Variants in M1AP observed in about 807,000 individuals in gnomAD.
M1AP encodes the protein meiosis 1 associated protein, also known as meiosis 1 arrest protein.
A neutral mutation model predicts 51.2 loss-of-function variants in M1AP; 39 were observed. The ratio of observed to expected loss-of-function variants is 0.76; its 90% CI spans 0.59 to 1.00. The LOEUF (loss-of-function observed/expected upper bound fraction) is 1.00, where lower values mean the gene tolerates loss of function less well. M1AP is among the 50% of genes least tolerant of loss of function. The pLI, the probability that M1AP is intolerant of heterozygous loss-of-function variation, is 0.00. For missense variants in M1AP, 545 were observed against 641.2 expected (o/e 0.85, Z 1.62); for synonymous variants, 251 against 249.2 (o/e 1.01, Z -0.07).
chr2:74,614,820 C>T, intron 3 of M1AP, 144 bp downstream of exon 3: 2 of 666,078 alleles, frequency 3.0e-6, no homozygotes, highest in East Asian at 5.4e-5. Context: ...AACATGTCCT[C>T]TGCCTGTAGG....
chr2:74,622,473 G>C (rs915373492), intron 2 of M1AP, among the ~76,000 whole-genome samples: 1 of 151,550 alleles, frequency 6.6e-6, no homozygotes, highest in African/African-American at 2.4e-5. Flanking sequence ...CCTGACAGGT[G>C]ATCTGCCCGC....
chr2:74,602,581 A>G (rs142147789), intron 4 of M1AP, among the ~76,000 whole-genome samples: 6 of 152,352 alleles, frequency 3.9e-5, no homozygotes, highest in African/African-American at 1.4e-4. Flanking sequence ...AGACTTGGGC[A>G]ACCTAATTTT....
chr2:74,621,181 C>G (rs1682003860), intron 2 of M1AP, among the ~76,000 whole-genome samples: 1 of 151,692 alleles, frequency 6.6e-6, no homozygotes, highest in Non-Finnish European at 1.5e-5. Flanking sequence ...ACTCGGGAGG[C>G]TGAGGCAGGA....
chr2:74,613,408 G>C (rs1681484080), intron 3 of M1AP, among the ~76,000 whole-genome samples: 1 of 152,344 alleles, frequency 6.6e-6, no homozygotes, highest in Middle Eastern at 3.4e-3. Flanking sequence ...GTAAGGGATA[G>C]AGGGAGGGGA....
chr2:74,572,864 TA>T (rs1678831116), intron 7 of M1AP, among the ~76,000 whole-genome samples: 1 of 152,178 alleles, frequency 6.6e-6, no homozygotes, highest in African/African-American at 2.4e-5. Context: ...GACAGAAGAC[TA>T]ACAAAGAAAA....
intron 4 of M1AP, among the ~76,000 whole-genome samples, chr2:74,588,101 T>G (rs946292416): frequency 6.6e-6 from 1 of 152,202 alleles, no homozygotes; most frequent in Non-Finnish European, 1.5e-5. Flanking sequence ...CCTCCACATC[T>G]TCCCCCGTCT....
intron 2 of M1AP, among the ~76,000 whole-genome samples, chr2:74,627,978 G>A (rs115763428): frequency 6.6e-6 from 1 of 152,014 alleles, no homozygotes; most frequent in African/African-American, 2.4e-5. Flanking sequence ...TATGTTCTAT[G>A]GATCAAAATG....
chr2:74,576,705 G>C, intron 5 of M1AP, 87 bp from the exon 6 acceptor site: 1 of 1,455,172 alleles, frequency 6.9e-7, no homozygotes. Context: ...ATGCCATTAA[G>C]AGACAACATC....
At chr2:74,601,937 A>G (rs1680701053) in intron 4 of M1AP, among the ~76,000 whole-genome samples, 1 of 152,208 alleles carries the variant, frequency 6.6e-6, no homozygotes, top group Admixed American at 6.5e-5. Flanking sequence ...GACTGATTGA[A>G]GGACACATTC....
intron 4 of M1AP, among the ~76,000 whole-genome samples, chr2:74,587,918 T>C (rs1272466059): frequency 6.6e-6 from 1 of 152,058 alleles, no homozygotes; most frequent in African/African-American, 2.4e-5. Context: ...AGGTAATACC[T>C]GAAGTAGACC....
At chr2:74,645,024 G>C (rs1345438600) in intron 1 of M1AP, among the ~76,000 whole-genome samples, 1 of 152,116 alleles carries the variant, frequency 6.6e-6, no homozygotes, top group African/African-American at 2.4e-5. Context: ...TTCGCTCTTT[G>C]CAATAAATCT....
At chr2:74,591,816 C>CA (rs1421904315) in intron 4 of M1AP, among the ~76,000 whole-genome samples, 1 of 152,078 alleles carries the variant, frequency 6.6e-6, no homozygotes, top group South Asian at 2.1e-4. Context: ...GACAGAGTCT[C>CA]ACTCTGTCCT....
intron 7 of M1AP, among the ~76,000 whole-genome samples, chr2:74,574,677 C>T (rs149210071): frequency 6.6e-6 from 1 of 152,352 alleles, no homozygotes; most frequent in Non-Finnish European, 1.5e-5. Flanking sequence ...ATTTGGCCTA[C>T]AAAGCTTTGC....
At chr2:74,588,317 A>G (rs1480595367) in intron 4 of M1AP, among the ~76,000 whole-genome samples, 1 of 152,232 alleles carries the variant, frequency 6.6e-6, no homozygotes, top group Non-Finnish European at 1.5e-5. Context: ...AAAGAGCTCT[A>G]TGACCCCAAA....
chr2:74,592,941 G>A (rs1464644551), intron 4 of M1AP, among the ~76,000 whole-genome samples: 2 of 152,072 alleles, frequency 1.3e-5, no homozygotes, highest in African/African-American at 2.4e-5. Flanking sequence ...CCTATTTCTG[G>A]ACCTTGAATA....
chr2:74,578,630 G>A (rs1679229191), intron 5 of M1AP, among the ~76,000 whole-genome samples: 1 of 152,160 alleles, frequency 6.6e-6, no homozygotes, highest in Non-Finnish European at 1.5e-5. Flanking sequence ...AGATGTGGCA[G>A]ACACCATACC....
chr2:74,595,740 T>C (rs1454328776), intron 4 of M1AP, among the ~76,000 whole-genome samples: 1 of 152,202 alleles, frequency 6.6e-6, no homozygotes, highest in African/African-American at 2.4e-5. Context: ...TAAATGGACT[T>C]AATAGCAAGT....
chr2:74,644,764 T>C (rs1270714249), intron 1 of M1AP, among the ~76,000 whole-genome samples: 1 of 152,200 alleles, frequency 6.6e-6, no homozygotes, highest in African/African-American at 2.4e-5. Flanking sequence ...CAATTACTAA[T>C]GTATTTACCA....
rs1573056460 is a variant in M1AP at position 74,562,571 on chromosome 2, G to C, written c.1075-148C>G. ...CGGCCCTGGTAGGGAGGGACTTCCT[G>C]CATGAATCATCAATATCACAATGTA... On this transcript the variant is annotated intron_variant, in intron 7 of 10. Transcript: ENST00000421985. 1.5e-5 allele frequency: 11 copies of C among 720,226 alleles called. No homozygotes were observed. The East Asian group carries it at 3.0e-4, about 19-fold the overall frequency. 44.6% of individuals were successfully genotyped at this position (720,226 alleles called of 1,614,324 possible).
Sources: allele counts gnomAD v4.1 joint callset (sites outside exome capture counted in the v4.1 genomes callset), GRCh38; gene constraint gnomAD v4.1.1; transcripts MANE v1.5; gene names NCBI Gene and HGNC (gene_info 2026-07-23, HGNC 2026-07-21).